The following ZFAND3 variants were observed in gnomAD, a reference collection of about 807,000 sequenced individuals.
The protein encoded by ZFAND3 is zinc finger AN1-type containing 3.
Under a neutral mutation model 29.6 loss-of-function variants are expected in ZFAND3, and 10 were observed. The observed-to-expected ratio is 0.34, with a 90% CI of 0.21 to 0.57. ZFAND3 has a LOEUF of 0.57. Among genes scored for constraint, ZFAND3 ranks in the 20% least tolerant of loss-of-function variants. The pLI, the probability that ZFAND3 is intolerant of heterozygous loss-of-function variation, is 0.86. For synonymous variants in ZFAND3, 128 were observed against 112.6 expected (o/e 1.14, Z -0.87); for missense variants, 230 against 304.5 (o/e 0.76, Z 1.82).
At chr6:38,033,456 C>G (rs1763599793) in intron 2 of ZFAND3, among the ~76,000 whole-genome samples, 1 of 152,122 alleles carries the variant, frequency 6.6e-6, no homozygotes, top group Admixed American at 6.6e-5. Context: ...TTTATTGCAA[C>G]CTTCCCCTCG....
At chr6:37,997,263 C>T (rs946387551) in intron 2 of ZFAND3, among the ~76,000 whole-genome samples, 4 of 152,142 alleles carry the variant, frequency 2.6e-5, no homozygotes, top group Non-Finnish European at 4.4e-5. Context: ...AGTGCTTTAA[C>T]GTATCAGTCT....
chr6:38,086,367 C>T (rs1173018943), intron 4 of ZFAND3, among the ~76,000 whole-genome samples: 4 of 152,120 alleles, frequency 2.6e-5, no homozygotes, highest in African/African-American at 9.7e-5. Context: ...CCCCTACCAT[C>T]TTTGTAGAGT....
chr6:37,823,104 T>G (rs987799728), intron 1 of ZFAND3, among the ~76,000 whole-genome samples: 33 of 152,196 alleles, frequency 2.2e-4, no homozygotes, highest in African/African-American at 7.2e-4. Context: ...ATGGCTTGGG[T>G]GTGTGGGTAT....
chr6:37,930,432 C>T (rs555523271), intron 2 of ZFAND3, among the ~76,000 whole-genome samples: 11 of 152,274 alleles, frequency 7.2e-5, no homozygotes, highest in Admixed American at 1.3e-4. Flanking sequence ...TGGTGTCTCA[C>T]GCCTATAATC....
intron 3 of ZFAND3, among the ~76,000 whole-genome samples, chr6:38,081,384 C>T (rs1174984088): frequency 6.6e-6 from 1 of 152,072 alleles, no homozygotes; most frequent in Non-Finnish European, 1.5e-5. Context: ...CTCTCCAAGT[C>T]CTTAAACCCA....
intron 1 of ZFAND3, among the ~76,000 whole-genome samples, chr6:37,847,766 A>AT (rs1003301507): frequency 3.9e-5 from 6 of 152,166 alleles, no homozygotes; most frequent in African/African-American, 4.8e-5. Flanking sequence ...TGAATTCAGA[A>AT]TTTTTTTATA....
chr6:37,824,213 A>T (rs1159273421), intron 1 of ZFAND3, among the ~76,000 whole-genome samples: 1 of 152,252 alleles, frequency 6.6e-6, no homozygotes, highest in Non-Finnish European at 1.5e-5. Flanking sequence ...GTATTTGTTG[A>T]TAATTGTTGT....
intron 1 of ZFAND3, among the ~76,000 whole-genome samples, chr6:37,831,405 T>G (rs1243317395): frequency 1.3e-5 from 2 of 152,244 alleles, no homozygotes; most frequent in African/African-American, 4.8e-5. Context: ...GAGCCAGTCC[T>G]TTTTCCAGCA....
chr6:37,923,931 A>T (rs907006085), intron 1 of ZFAND3, among the ~76,000 whole-genome samples: 3 of 152,246 alleles, frequency 2.0e-5, no homozygotes, highest in African/African-American at 7.2e-5. Flanking sequence ...ATCTATCTAA[A>T]AAAGTATTTC....
chr6:38,003,761 C>T lies in ZFAND3; in HGVS notation c.113-57832C>T, dbSNP rs1273987134. 3 of 448,048 alleles carry T rather than the reference C, an allele frequency of 6.7e-6. No homozygotes were observed. The Admixed American group carries it at 7.2e-5, about 11-fold the overall frequency. The allele number at this position is 448,048 out of a possible 1,614,324, so 27.8% of individuals were successfully genotyped here. A position where few individuals can be genotyped will look rare whatever the true frequency, so the allele number is the denominator to read the frequency against. ...GCTCAAGTGATCCACCTGCCTCAGCCTCCCAAAGTGCTGGGATTACAGGCG... is the reference window on the plus strand; with the variant it reads ...GCTCAAGTGATCCACCTGCCTCAGCTTCCCAAAGTGCTGGGATTACAGGCG... On this transcript the variant is annotated intron_variant, in intron 2 of 5. Coordinates refer to ENST00000287218, the MANE Select transcript of ZFAND3 (RefSeq NM_021943.3).
At chr6:38,018,415 T>A (rs969786781) in intron 2 of ZFAND3, among the ~76,000 whole-genome samples, 1 of 152,330 alleles carries the variant, frequency 6.6e-6, no homozygotes, top group East Asian at 1.9e-4. Flanking sequence ...TTTATTTTTT[T>A]AAACATAAAA....
chr6:37,869,428 G>C (rs1764650571), intron 1 of ZFAND3, among the ~76,000 whole-genome samples: 1 of 151,988 alleles, frequency 6.6e-6, no homozygotes, highest in Non-Finnish European at 1.5e-5. Flanking sequence ...AAAGTGCTGG[G>C]ATTACAGGCG....
At position 37,896,538 on chromosome 6, in the gene ZFAND3, C is replaced by CTT. The variant is rs1440599253; in HGVS notation, c.72-33419_72-33418dup. Among the ~76,000 whole-genome samples, 5 of 122,360 alleles carry CTT rather than the reference C, an allele frequency of 4.1e-5. No homozygotes were observed. The East Asian group carries it at 8.5e-4, about 21-fold the overall frequency. 80.3% of individuals were successfully genotyped at this position (122,360 alleles called of 152,430 possible). On this transcript the variant is annotated intron_variant, in intron 1 of 5. Transcript: ENST00000287218. ...CTTTTCTTTCTTTCTTTCTTTCTTT[C>CTT]TTTCTTTCTTTCTTTCTTTCTTTCT...
chr6:38,126,902 TAA>T (rs1259284011), intron 5 of ZFAND3, among the ~76,000 whole-genome samples: 1 of 151,194 alleles, frequency 6.6e-6, no homozygotes, highest in African/African-American at 2.5e-5. Flanking sequence ...GAGTGGAATT[TAA>T]AAGTTTTATT....
In ZFAND3 at chr6:38,079,839, T is replaced by TA. The variant is rs1223955364; in HGVS notation, c.296-2552dup. Among the ~76,000 whole-genome samples the TA allele has an allele frequency of 7.2e-5, 11 of 152,106 alleles. No homozygotes were observed. In the South Asian group the frequency reaches 1.0e-3, roughly 14 times the overall value. ...TCCTCCTATGTCCACCCCAATCTCTTACATCAAAATTTCCAGGGTCAGGGC... is the reference window on the plus strand; with the variant it reads ...TCCTCCTATGTCCACCCCAATCTCTTAACATCAAAATTTCCAGGGTCAGGGC... On this transcript the variant is annotated intron_variant, in intron 3 of 5. Transcript: ENST00000287218.
chr6:37,940,477 A>G (rs1260873367), intron 2 of ZFAND3, among the ~76,000 whole-genome samples: 1 of 152,224 alleles, frequency 6.6e-6, no homozygotes, highest in East Asian at 1.9e-4. Flanking sequence ...ACCCTTTAAA[A>G]GCTTCAGTGC....
At chr6:37,910,165 C>CTGCA (rs1227916730) in intron 1 of ZFAND3, among the ~76,000 whole-genome samples, 11 of 152,198 alleles carry the variant, frequency 7.2e-5, no homozygotes, top group Non-Finnish European at 1.5e-4. Context: ...GCCTCCTGGG[C>CTGCA]TGCAACCCTT....
At chr6:37,825,055 T>G (rs1763733933) in intron 1 of ZFAND3, among the ~76,000 whole-genome samples, 2 of 152,216 alleles carry the variant, frequency 1.3e-5, no homozygotes, top group South Asian at 4.1e-4. Context: ...AGCCCAGGCT[T>G]AGTGAATTGC....
At chr6:38,041,112 A>G (rs943729178) in intron 2 of ZFAND3, among the ~76,000 whole-genome samples, 3 of 152,106 alleles carry the variant, frequency 2.0e-5, no homozygotes, top group African/African-American at 7.2e-5. Context: ...ATTTTGTAGA[A>G]TGTCCCTCAG....
Sources: gnomAD v4.1 joint callset for allele counts (sites outside exome capture counted in the v4.1 genomes callset) on GRCh38, gnomAD v4.1.1 for gene constraint, MANE v1.5 for transcripts, NCBI Gene and HGNC (gene_info 2026-07-23, HGNC 2026-07-21) for gene names.